The following EXOC6B variants were observed in gnomAD, a reference collection of about 807,000 sequenced individuals.
EXOC6B encodes SEC15 homolog B.
A neutral mutation model predicts 113.5 loss-of-function variants in EXOC6B; 54 were observed. The observed-to-expected ratio is 0.48, with a 90% CI of 0.38 to 0.60. The LOEUF (loss-of-function observed/expected upper bound fraction) is 0.60. Ranked by LOEUF, EXOC6B falls within the 20% of genes least tolerant of loss-of-function variation. The pLI, the probability that EXOC6B is intolerant of heterozygous loss-of-function variation, is 0.00. For synonymous variants in EXOC6B, 357 were observed against 339.0 expected (o/e 1.05, Z -0.58); for missense variants, 797 against 977.5 (o/e 0.82, Z 2.46).
chr2:72,808,080 C>T (rs1368518102), intron 1 of EXOC6B, among the ~76,000 whole-genome samples: 1 of 152,054 alleles, frequency 6.6e-6, no homozygotes, highest in African/African-American at 2.4e-5. Flanking sequence ...AAGTATAACA[C>T]CTACTATGGC....
At position 72,299,958 on chromosome 2, in the gene EXOC6B, G is replaced by T. The variant is rs556478238; in HGVS notation, c.2196+34989C>A. ...GCGCTCCTGTATGAGGTGTCTGTTG[G>T]CCCCTAGTGGGAGGTGTCTCCCAGT... On this transcript the variant is annotated intron_variant, in intron 20 of 21. Coordinates refer to ENST00000272427, the MANE Select transcript of EXOC6B (RefSeq NM_015189.3). Among the ~76,000 whole-genome samples the T allele has an allele frequency of 3.3e-5, 5 of 152,264 alleles. No individual in the cohort carries two copies. In the South Asian group the frequency reaches 1.0e-3, roughly 32 times the overall value.
intron 18 of EXOC6B, among the ~76,000 whole-genome samples, chr2:72,382,184 A>G (rs1184492411): frequency 6.6e-6 from 1 of 152,212 alleles, no homozygotes; most frequent in Non-Finnish European, 1.5e-5. Context: ...CCAGAGACCT[A>G]GGACAGGCAC....
At chr2:72,296,086 ATG>A (rs1221152598) in intron 20 of EXOC6B, among the ~76,000 whole-genome samples, 3 of 152,066 alleles carry the variant, frequency 2.0e-5, no homozygotes, top group Admixed American at 6.6e-5. Flanking sequence ...CTGAACATGT[ATG>A]TCTCAATTTT....
intron 8 of EXOC6B, among the ~76,000 whole-genome samples, chr2:72,536,772 A>C (rs1215082021): frequency 6.6e-6 from 1 of 152,198 alleles, no homozygotes; most frequent in Non-Finnish European, 1.5e-5. Context: ...TAGCCTATAC[A>C]CCACAGCAAC....
chr2:72,350,169 T>C (rs1438182277), intron 19 of EXOC6B, among the ~76,000 whole-genome samples: 1 of 152,218 alleles, frequency 6.6e-6, no homozygotes, highest in Non-Finnish European at 1.5e-5. Context: ...ACTTCTTCAA[T>C]GAATTGAAAA....
At chr2:72,740,637 AC>A (rs1261215676) in intron 2 of EXOC6B, among the ~76,000 whole-genome samples, 1 of 152,188 alleles carries the variant, frequency 6.6e-6, no homozygotes, top group Non-Finnish European at 1.5e-5. Context: ...GTGGCATGCT[AC>A]AAAGAATTTT....
At chr2:72,640,620 CACCT>C (rs2104337793) in intron 6 of EXOC6B, among the ~76,000 whole-genome samples, 1 of 152,244 alleles carries the variant, frequency 6.6e-6, no homozygotes, top group South Asian at 2.1e-4. Flanking sequence ...GAGAAAAGGT[CACCT>C]ACAAAGGGAA....
intron 18 of EXOC6B, among the ~76,000 whole-genome samples, chr2:72,427,784 G>T (rs565266194): frequency 2.2e-4 from 33 of 152,272 alleles, no homozygotes; most frequent in Admixed American, 5.2e-4. Flanking sequence ...AAGGCTGGGG[G>T]CTAGGCTGGC....
intron 20 of EXOC6B, among the ~76,000 whole-genome samples, chr2:72,219,894 G>A (rs1680762678): frequency 6.6e-6 from 1 of 152,132 alleles, no homozygotes; most frequent in Non-Finnish European, 1.5e-5. Flanking sequence ...GATTGGTTAA[G>A]TGATTTGTGC....
At chr2:72,743,408 A>G (rs1437637405) in intron 1 of EXOC6B, among the ~76,000 whole-genome samples, 1 of 152,044 alleles carries the variant, frequency 6.6e-6, no homozygotes, top group Non-Finnish European at 1.5e-5. Context: ...TCCTTTCTCT[A>G]GTTCCCACCC....
At chr2:72,645,680 C>G (rs1673652398) in intron 6 of EXOC6B, among the ~76,000 whole-genome samples, 1 of 152,126 alleles carries the variant, frequency 6.6e-6, no homozygotes, top group Admixed American at 6.5e-5. Flanking sequence ...ACAACCTGCT[C>G]CTGAATGACT....
intron 20 of EXOC6B, among the ~76,000 whole-genome samples, chr2:72,216,005 C>T (rs890780151): frequency 5.3e-5 from 8 of 151,820 alleles, no homozygotes; most frequent in Admixed American, 4.6e-4. Flanking sequence ...AACAAAAAAC[C>T]CTTGTATCTA....
intron 18 of EXOC6B, among the ~76,000 whole-genome samples, chr2:72,409,283 T>TGTGGCAG (rs1354347163): frequency 6.6e-6 from 1 of 152,208 alleles, no homozygotes; most frequent in Non-Finnish European, 1.5e-5. Context: ...TGTAAACTAG[T>TGTGGCAG]TCAACCATTG....
chr2:72,231,064 G>C (rs1681589935), intron 20 of EXOC6B, among the ~76,000 whole-genome samples: 3 of 152,162 alleles, frequency 2.0e-5, no homozygotes, highest in South Asian at 2.1e-4. Context: ...TTTGACTTAA[G>C]AGTACCCATG....
Position 72,657,567 on chromosome 2 carries a change from C to CTTTTTTTTTTTTTTTTTT in EXOC6B, c.669+60518_669+60535dup, listed in dbSNP as rs70963136. ...TATTAGGTCTTTCCTCTTTCCTTTT[C>CTTTTTTTTTTTTTTTTTT]TTTTTTTTTTTTTTTTTTTTTTTTT... On this transcript the variant is annotated intron_variant, in intron 6 of 21. Coordinates refer to ENST00000272427, the MANE Select transcript of EXOC6B (RefSeq NM_015189.3). Among the ~76,000 whole-genome samples, 23 of 50,380 alleles carry CTTTTTTTTTTTTTTTTTT rather than the reference C, an allele frequency of 4.6e-4. 3 individuals are homozygous for CTTTTTTTTTTTTTTTTTT. The highest frequency in any genetic ancestry group is 1.0e-3 in the South Asian group (1 of 968). The allele number at this position is 50,380 out of a possible 152,430, so 33.1% of individuals were successfully genotyped here. A position where few individuals can be genotyped will look rare whatever the true frequency, so the allele number is the denominator to read the frequency against.
intron 20 of EXOC6B, among the ~76,000 whole-genome samples, chr2:72,229,316 T>G (rs186216977): frequency 6.6e-6 from 1 of 152,218 alleles, no homozygotes; most frequent in East Asian, 1.9e-4. Flanking sequence ...ACTCCAACAG[T>G]GATGGGAGCA....
chr2:72,401,512 TATAC>T lies in EXOC6B; in HGVS notation c.1981-21646_1981-21643del, dbSNP rs1320055976. On this transcript the variant is annotated intron_variant, in intron 18 of 21. Transcript: ENST00000272427. ...TTATATACATATATATATATATATA[TATAC>T]ATATATACATATATATATATATATA... Among the ~76,000 whole-genome samples, 56 of 41,288 alleles carry T rather than the reference TATAC, an allele frequency of 1.4e-3. 5 individuals are homozygous for T. The highest frequency in any genetic ancestry group is 0.012 in the African/African-American group (30 of 2,534). 27.1% of individuals were successfully genotyped at this position (41,288 alleles called of 152,430 possible).
chr2:72,456,967 A>G (rs573589843), intron 18 of EXOC6B, among the ~76,000 whole-genome samples: 91 of 151,822 alleles, frequency 6.0e-4, no homozygotes, highest in African/African-American at 2.1e-3. Flanking sequence ...CAACACACAT[A>G]GTTAAAGGGC....
chr2:72,262,373 A>G (rs572167987), intron 20 of EXOC6B, among the ~76,000 whole-genome samples: 14 of 152,212 alleles, frequency 9.2e-5, no homozygotes, highest in African/African-American at 3.1e-4. Context: ...TAGCCCAGAC[A>G]GGTTCCCTGC....
Sources: allele counts gnomAD v4.1 joint callset (sites outside exome capture counted in the v4.1 genomes callset), GRCh38; gene constraint gnomAD v4.1.1; transcripts MANE v1.5; gene names NCBI Gene and HGNC (gene_info 2026-07-23, HGNC 2026-07-21).